KSR2: variants seen among roughly 807,000 people sequenced by gnomAD.
KSR2 encodes the protein kinase suppressor of ras 2.
KSR2 carries 25 observed loss-of-function variants against 107.8 expected under a neutral mutation model. The ratio of observed to expected loss-of-function variants is 0.23; its 90% CI spans 0.17 to 0.32. The LOEUF (loss-of-function observed/expected upper bound fraction) is 0.32, where lower values mean the gene tolerates loss of function less well. Ranked by LOEUF, KSR2 falls within the 10% of genes least tolerant of loss-of-function variation. KSR2 has a pLI of 1.00. For synonymous variants in KSR2, 480 were observed against 507.0 expected, an observed-to-expected ratio of 0.95 and a Z score of 0.71; for missense variants, 887 against 1,268.9, an observed-to-expected ratio of 0.70 and a Z score of 4.57.
At chr12:117,788,490 C>T (rs1387121271) in intron 3 of KSR2, among the ~76,000 whole-genome samples, 1 of 152,120 alleles carries the variant, frequency 6.6e-6, no homozygotes, top group Non-Finnish European at 1.5e-5. Context: ...AGGACTTGAG[C>T]TCCAATGTTG....
In KSR2 at chr12:117,593,345, G is replaced by A. The variant is rs77259794; in HGVS notation, c.1172-10986C>T. Among the ~76,000 whole-genome samples the A allele has an allele frequency of 7.9e-5, 12 of 152,316 alleles. No homozygotes were observed. In the East Asian group the frequency reaches 1.9e-3, roughly 24 times the overall value. ...CAATTTCCATTGTAAATGGCCTCAC[G>A]TTGAAATAAACCAACAGAAACAGCA... is the stretch of plus-strand genomic sequence containing the variant. On this transcript the variant is annotated intron_variant, in intron 5 of 19. Coordinates refer to ENST00000339824, the MANE Select transcript of KSR2 (RefSeq NM_173598.6).
chr12:117,905,899 G>A (rs181750487), intron 1 of KSR2, among the ~76,000 whole-genome samples: 60 of 150,658 alleles, frequency 4.0e-4, no homozygotes, highest in African/African-American at 1.4e-3. Flanking sequence ...AAAGTAGGAC[G>A]ATAGTACATA....
At chr12:117,779,735 G>A (rs1407406808) in intron 3 of KSR2, among the ~76,000 whole-genome samples, 1 of 152,114 alleles carries the variant, frequency 6.6e-6, no homozygotes, top group Admixed American at 6.6e-5. Context: ...GAAGGTACTT[G>A]CTTCTCCTTT....
chr12:117,524,781 A>G lies in KSR2; in HGVS notation c.2219+71T>C, dbSNP rs1044806951. 2.0e-6 allele frequency: 3 copies of G among 1,525,804 alleles called. No homozygotes were observed. The African/African-American group carries it at 4.2e-5, about 21-fold the overall frequency. 94.5% of individuals were successfully genotyped at this position (1,525,804 alleles called of 1,614,324 possible). A position where few individuals can be genotyped will look rare whatever the true frequency, so the allele number is the denominator to read the frequency against. On this transcript the variant is annotated intron_variant, in intron 14 of 19. Coordinates refer to ENST00000339824, the MANE Select transcript of KSR2 (RefSeq NM_173598.6). ...TTAACCAGAGTGGTCAAGTAAGCAG[A>G]AAACCATTTCTCAACCATGCCAGAA...
intron 3 of KSR2, among the ~76,000 whole-genome samples, chr12:117,834,349 T>C (rs1892111166): frequency 6.7e-6 from 1 of 148,460 alleles, no homozygotes; most frequent in African/African-American, 2.5e-5. Flanking sequence ...AAGTACACCT[T>C]TTCCAGGGCA....
intron 9 of KSR2, among the ~76,000 whole-genome samples, chr12:117,546,735 C>T (rs925372981): frequency 1.3e-5 from 2 of 152,156 alleles, no homozygotes; most frequent in African/African-American, 4.8e-5. Flanking sequence ...TCCTCTGCCC[C>T]ATCCAACTTG....
chr12:117,493,639 A>T (rs1055703637), intron 14 of KSR2, among the ~76,000 whole-genome samples: 2 of 152,126 alleles, frequency 1.3e-5, no homozygotes, highest in African/African-American at 4.8e-5. Flanking sequence ...TGTTGCCTGG[A>T]GCCTATGATG....
chr12:117,638,779 A>C (rs2136396303), intron 5 of KSR2, among the ~76,000 whole-genome samples: 1 of 152,306 alleles, frequency 6.6e-6, no homozygotes, highest in Admixed American at 6.5e-5. Context: ...CTGAGCACTC[A>C]GGTGTTCATT....
intron 5 of KSR2, among the ~76,000 whole-genome samples, chr12:117,633,121 T>G (rs778032576): frequency 2.0e-5 from 3 of 152,226 alleles, no homozygotes; most frequent in Admixed American, 6.5e-5. Context: ...AAATAGTGAT[T>G]TGATTTATCA....
intron 5 of KSR2, among the ~76,000 whole-genome samples, chr12:117,631,797 TTTTA>T (rs2136373980): frequency 6.6e-6 from 1 of 152,318 alleles, no homozygotes; most frequent in East Asian, 1.9e-4. Context: ...CAAAAAGTAC[TTTTA>T]AACCAAAAGC....
chr12:117,592,459 C>T, intron 5 of KSR2, among the ~76,000 whole-genome samples: 1 of 152,106 alleles, frequency 6.6e-6, no homozygotes, highest in East Asian at 1.9e-4. Flanking sequence ...GTGTCTGAGA[C>T]CTGGCAGGTA....
At chr12:117,704,945 G>A (rs1243573547) in intron 4 of KSR2, among the ~76,000 whole-genome samples, 2 of 152,006 alleles carry the variant, frequency 1.3e-5, no homozygotes, top group African/African-American at 2.4e-5. Flanking sequence ...TAAAGAGTGC[G>A]ACAAGGTGGG....
intron 1 of KSR2, among the ~76,000 whole-genome samples, chr12:117,937,843 G>T (rs1284171959): frequency 1.3e-5 from 2 of 150,984 alleles, no homozygotes; most frequent in South Asian, 2.1e-4. Context: ...GGCAGTGCAC[G>T]CCTGTAATCC....
In KSR2 at chr12:117,865,192, T is replaced by C. The variant is rs539987341; in HGVS notation, c.181-4761A>G. 2.0e-5 allele frequency among the ~76,000 whole-genome samples: 3 copies of C among 152,372 alleles called. No individual in the cohort carries two copies. In the East Asian group the frequency reaches 5.8e-4, roughly 29 times the overall value. ...TTGTTTAAAGTACAGGTTACAGTTA[T>C]ACTGCAAGATAATGTACTTTTAATC... On this transcript the variant is annotated intron_variant, in intron 1 of 19. Transcript: ENST00000339824.
chr12:117,941,830 A>T (rs1896020201), intron 1 of KSR2, among the ~76,000 whole-genome samples: 1 of 134,110 alleles, frequency 7.5e-6, no homozygotes, highest in South Asian at 2.3e-4. Context: ...TTTAGTAGAG[A>T]CGGAGTTTCA....
At chr12:117,788,346 A>T (rs2136965554) in intron 3 of KSR2, among the ~76,000 whole-genome samples, 1 of 152,316 alleles carries the variant, frequency 6.6e-6, no homozygotes, top group Middle Eastern at 3.4e-3. Context: ...ATTGGACTAG[A>T]TCTGTGTTTT....
At chr12:117,891,944 G>C (rs533992917) in intron 1 of KSR2, among the ~76,000 whole-genome samples, 251 of 147,780 alleles carry the variant, frequency 1.7e-3, no homozygotes, top group African/African-American at 6.3e-3. Context: ...AAGCTGCAGT[G>C]AGCCATGATC....
At chr12:117,873,467 T>C (rs1893723389) in intron 1 of KSR2, among the ~76,000 whole-genome samples, 1 of 148,310 alleles carries the variant, frequency 6.7e-6, no homozygotes, top group Non-Finnish European at 1.5e-5. Context: ...GGTGCTTTTT[T>C]TTTTTTTTTT....
rs567765926 is a variant in KSR2, at chr12:117,480,341, G to T, written c.2451-3746C>A. Among the ~76,000 whole-genome samples, 3 of 152,250 alleles carry T rather than the reference G, an allele frequency of 2.0e-5. No individual in the cohort carries two copies. The South Asian group carries it at 6.2e-4, about 32-fold the overall frequency. On this transcript the variant is annotated intron_variant, in intron 16 of 19. Transcript: ENST00000339824. Reference sequence around the variant, plus strand: ...CACGCCTGGCACGGGTGTGGTAGGGGGCTGGGAGACAGGCCTGGCACTAAC... The same window carrying T: ...CACGCCTGGCACGGGTGTGGTAGGGTGCTGGGAGACAGGCCTGGCACTAAC...
Sources: allele counts gnomAD v4.1 joint callset (sites outside exome capture counted in the v4.1 genomes callset), GRCh38; gene constraint gnomAD v4.1.1; transcripts MANE v1.5; gene names NCBI Gene and HGNC (gene_info 2026-07-23, HGNC 2026-07-21).